The following UAP1 variants were observed in gnomAD, a reference collection of about 807,000 sequenced individuals.
UAP1 encodes UDP-N-acetylhexosamine pyrophosphorylase.
In UAP1, 25 loss-of-function variants were observed where a neutral mutation model predicts 58.5. The ratio of observed to expected loss-of-function variants is 0.43; its 90% CI spans 0.31 to 0.60. The LOEUF is 0.60. UAP1 is among the 20% of genes least tolerant of loss of function. The pLI is 0.11. For missense variants in UAP1, 575 were observed against 630.0 expected (o/e 0.91, Z 0.93); for synonymous variants, 208 against 213.0 (o/e 0.98, Z 0.21).
At chr1:162,579,665 T>G (rs539043737) in intron 4 of UAP1, 62 bp downstream of exon 4, 2 of 1,338,304 alleles carry the variant, frequency 1.5e-6, no homozygotes, top group Admixed American at 5.1e-5. Context: ...CATCAAATGT[T>G]GATTTTCTTT....
chr1:162,566,979 C>A (rs1653552051), intron 2 of UAP1, among the ~76,000 whole-genome samples: 1 of 152,110 alleles, frequency 6.6e-6, no homozygotes. Context: ...CCCATATTTC[C>A]AATCAACATT....
intron 10 of UAP1, among the ~76,000 whole-genome samples, chr1:162,598,633 C>G (rs1655750389): frequency 6.6e-6 from 1 of 152,082 alleles, no homozygotes; most frequent in Non-Finnish European, 1.5e-5. Context: ...ATTTAGAGGT[C>G]TCTACTCTTT....
At chr1:162,571,893 C>G (rs1212701467) in intron 2 of UAP1, among the ~76,000 whole-genome samples, 1 of 152,214 alleles carries the variant, frequency 6.6e-6, no homozygotes, top group East Asian at 1.9e-4. Flanking sequence ...TGAACAATAG[C>G]TGTAGCTGCA....
intron 2 of UAP1, among the ~76,000 whole-genome samples, chr1:162,572,351 A>T (rs1285137621): frequency 6.6e-6 from 1 of 152,246 alleles, no homozygotes; most frequent in Non-Finnish European, 1.5e-5. Flanking sequence ...AAGGAAGAGA[A>T]AAGTTTATAC....
rs796469513 is a variant in UAP1 at position 162,592,642 on chromosome 1, CCATT to C, written c.1359-87_1359-84del. On this transcript the variant is annotated intron_variant, in intron 8 of 10. Coordinates refer to ENST00000271469, the Ensembl canonical transcript of UAP1. Reference sequence around the variant, plus strand: ...ATTTATGATTTACCATAAATACATACCATTCAATCAAGTATATTTTGCAACTCCA... The same window carrying C: ...ATTTATGATTTACCATAAATACATACCAATCAAGTATATTTTGCAACTCCA... 1.1e-4 allele frequency: 106 copies of C among 945,518 alleles called. No individual in the cohort carries two copies. The African/African-American group carries it at 1.7e-3, about 15-fold the overall frequency. The allele number at this position is 945,518 out of a possible 1,614,324, so 58.6% of individuals were successfully genotyped here.
chr1:162,596,547 G>T (rs541376419), intron 9 of UAP1, among the ~76,000 whole-genome samples: 1 of 152,318 alleles, frequency 6.6e-6, no homozygotes, highest in Non-Finnish European at 1.5e-5. Context: ...GAAGATTGGG[G>T]CTTGAGCCAA....
chr1:162,580,290 A>C (rs1654503802), intron 4 of UAP1, among the ~76,000 whole-genome samples: 1 of 152,266 alleles, frequency 6.6e-6, no homozygotes, highest in Non-Finnish European at 1.5e-5. Flanking sequence ...AATAGCATTA[A>C]TTCTTAAATA....
intron 7 of UAP1, among the ~76,000 whole-genome samples, chr1:162,589,277 T>C (rs992886615): frequency 7.6e-6 from 1 of 131,016 alleles, no homozygotes; most frequent in Non-Finnish European, 1.6e-5. Context: ...ATTTATAATA[T>C]ATATAAATAT....
intron 3 of UAP1, 51 bp downstream of exon 3, chr1:162,577,032 A>G (rs1444656106): frequency 6.5e-7 from 1 of 1,538,170 alleles, no homozygotes; most frequent in African/African-American, 1.4e-5. Context: ...TTGTTTTATA[A>G]TATTCAAAAT....
At chr1:162,576,379 A>G (rs1654178442) in intron 2 of UAP1, among the ~76,000 whole-genome samples, 1 of 152,170 alleles carries the variant, frequency 6.6e-6, no homozygotes, top group Non-Finnish European at 1.5e-5. Flanking sequence ...ACCTCCTGAC[A>G]TTATCAGCAA....
chr1:162,580,884 G>T (rs890962606), intron 4 of UAP1, among the ~76,000 whole-genome samples: 1 of 152,106 alleles, frequency 6.6e-6, no homozygotes, highest in Non-Finnish European at 1.5e-5. Context: ...TTTGAGATGG[G>T]TGAAATTGTC....
chr1:162,563,459 G>A (rs894154710), intron 1 of UAP1, among the ~76,000 whole-genome samples: 20 of 151,906 alleles, frequency 1.3e-4, no homozygotes, highest in African/African-American at 4.6e-4. Flanking sequence ...CCGCCTCCCC[G>A]GTTCAGGCGA....
intron 9 of UAP1, among the ~76,000 whole-genome samples, chr1:162,594,253 T>C (rs1655491436): frequency 6.6e-6 from 1 of 152,222 alleles, no homozygotes; most frequent in Non-Finnish European, 1.5e-5. Context: ...GGAGACATCA[T>C]CAGGCATTAG....
At chr1:162,590,459 G>T (rs1655230641) in exon 8 of UAP1, 2 of 1,609,932 alleles carry the variant, frequency 1.2e-6, no homozygotes, top group African/African-American at 2.7e-5. Context: ...GGTCCTCAAT[G>T]CAGGGGGCCA....
chr1:162,573,538 G>C (rs182645609), intron 2 of UAP1, among the ~76,000 whole-genome samples: 1 of 152,266 alleles, frequency 6.6e-6, no homozygotes, highest in East Asian at 1.9e-4. Flanking sequence ...ATGCTATGGA[G>C]TTAATGAGGA....
chr1:162,583,146 C>CTTTTTTTTTTTTTT (rs11376471), intron 5 of UAP1, among the ~76,000 whole-genome samples: 1 of 68,044 alleles, frequency 1.5e-5, no homozygotes, highest in Non-Finnish European at 2.5e-5. Context: ...TGGTGTCACT[C>CTTTTTTTTTTTTTT]TTTTTTTTTT....
exon 8 of UAP1, chr1:162,590,469 A>G (rs1484155960): frequency 1.9e-6 from 3 of 1,607,312 alleles, no homozygotes; most frequent in Middle Eastern, 1.7e-4. Flanking sequence ...GCAGGGGGCC[A>G]TTTCATAGAT....
exon 6 of UAP1, chr1:162,587,576 T>C (rs377349247): frequency 1.3e-4 from 209 of 1,613,990 alleles, no homozygotes; most frequent in Non-Finnish European, 1.8e-4. Context: ...TGGCAACAGC[T>C]CAAAAACGAA....
chr1:162,584,054 AC>A (rs759218053), intron 5 of UAP1, among the ~76,000 whole-genome samples: 4 of 152,208 alleles, frequency 2.6e-5, no homozygotes, highest in Non-Finnish European at 5.9e-5. Context: ...ACATTATAGA[AC>A]CATACTCTTC....
Sources: allele counts gnomAD v4.1 joint callset (sites outside exome capture counted in the v4.1 genomes callset), GRCh38; gene constraint gnomAD v4.1.1; transcripts MANE v1.5; gene names NCBI Gene and HGNC (gene_info 2026-07-23, HGNC 2026-07-21).